Variants in ZNF516 observed in about 807,000 individuals in gnomAD.
ZNF516 encodes zinc finger protein 516.
ZNF516 carries 19 observed loss-of-function variants against 79.7 expected under a neutral mutation model. The observed-to-expected ratio is 0.24, with a 90% CI of 0.17 to 0.35. The LOEUF (loss-of-function observed/expected upper bound fraction) is 0.35, where lower values mean the gene tolerates loss of function less well. Among genes scored for constraint, ZNF516 ranks in the 10% least tolerant of loss-of-function variants. The pLI, the probability that ZNF516 is intolerant of heterozygous loss-of-function variation, is 1.00. For synonymous variants in ZNF516, 877 were observed against 739.5 expected (o/e 1.19, Z -3.02); for missense variants, 1,678 against 1,679.5 (o/e 1.00, Z 0.02).
intron 1 of ZNF516, among the ~76,000 whole-genome samples, chr18:76,473,355 C>G (rs1161291403): frequency 1.1e-5 from 1 of 87,666 alleles, no homozygotes; most frequent in Non-Finnish European, 2.1e-5. Flanking sequence ...TTGCTCTCTG[C>G]AAAAAAAAAA....
chr18:76,472,054 C>T (rs547988118), intron 1 of ZNF516, among the ~76,000 whole-genome samples: 1 of 152,304 alleles, frequency 6.6e-6, no homozygotes, highest in African/African-American at 2.4e-5. Context: ...TCCAGTTTCT[C>T]AGTCACAAAT....
intron 3 of ZNF516, among the ~76,000 whole-genome samples, chr18:76,400,313 T>C (rs968619586): frequency 2.6e-5 from 4 of 152,224 alleles, no homozygotes; most frequent in Non-Finnish European, 5.9e-5. Flanking sequence ...CACAGAGGTT[T>C]ATGTTACAAT....
chr18:76,445,781 G>A (rs533439009), intron 2 of ZNF516, among the ~76,000 whole-genome samples: 65 of 152,338 alleles, frequency 4.3e-4, no homozygotes, highest in African/African-American at 1.4e-3. Flanking sequence ...CCCAGGAGGA[G>A]CCCAGGCCTG....
intron 3 of ZNF516, among the ~76,000 whole-genome samples, chr18:76,413,774 G>T (rs1202325085): frequency 1.3e-5 from 2 of 152,178 alleles, no homozygotes; most frequent in Non-Finnish European, 2.9e-5. Context: ...GTCTTTAAAT[G>T]ATGACGTAAA....
chr18:76,390,368 T>C (rs1306330542), intron 3 of ZNF516, among the ~76,000 whole-genome samples: 1 of 152,174 alleles, frequency 6.6e-6, no homozygotes, highest in African/African-American at 2.4e-5. Flanking sequence ...TCCAGCCCCA[T>C]GGCACACCTG....
At chr18:76,370,645 G>C in intron 5 of ZNF516, 50 bp from the exon 6 acceptor site, 1 of 1,490,266 alleles carries the variant, frequency 6.7e-7, no homozygotes, top group Non-Finnish European at 9.1e-7. Context: ...GCTTCCGGAC[G>C]TGCACATTAA....
At chr18:76,402,095 A>G (rs2075237944) in intron 3 of ZNF516, among the ~76,000 whole-genome samples, 2 of 150,190 alleles carry the variant, frequency 1.3e-5, no homozygotes, top group South Asian at 4.3e-4. Flanking sequence ...CTTCTCTGAA[A>G]AGAAATTGTA....
chr18:76,479,037 C>T (rs1914339930), intron 1 of ZNF516, among the ~76,000 whole-genome samples: 1 of 150,362 alleles, frequency 6.7e-6, no homozygotes, highest in African/African-American at 2.4e-5. Context: ...GCCTGGGTGA[C>T]AAGAGTGAGA....
chr18:76,429,093 C>A (rs2075630680), intron 3 of ZNF516, among the ~76,000 whole-genome samples: 1 of 152,214 alleles, frequency 6.6e-6, no homozygotes, highest in Non-Finnish European at 1.5e-5. Context: ...ATCAGCAGCA[C>A]CTGGTAGGGG....
chr18:76,473,355 C>CAAAAAAA (rs35092154), intron 1 of ZNF516, among the ~76,000 whole-genome samples: 5 of 87,666 alleles, frequency 5.7e-5, no homozygotes, highest in Non-Finnish European at 1.1e-4. Flanking sequence ...TTGCTCTCTG[C>CAAAAAAA]AAAAAAAAAA....
rs2074549929 is a variant in ZNF516 at position 76,362,238 on chromosome 18, A to G, written c.*260T>C. On this transcript the variant is annotated 3_prime_UTR_variant, in exon 7 of 7. Transcript: ENST00000443185. ...AGAAAATATGGGACTATGGACGATG[A>G]GCACGTAAATGCGTATATAGTATCT... is the stretch of plus-strand genomic sequence containing the variant. The G allele has an allele frequency of 9.5e-6, 4 of 421,860 alleles. No homozygotes were observed. In the South Asian group the frequency reaches 2.1e-4, roughly 22 times the overall value. The allele number at this position is 421,860 out of a possible 1,614,324, so 26.1% of individuals were successfully genotyped here.
At chr18:76,371,628 A>C (rs1300722768) in intron 4 of ZNF516, 57 bp from the exon 5 acceptor site, 11 of 1,436,876 alleles carry the variant, frequency 7.7e-6, no homozygotes, top group Non-Finnish European at 1.1e-5. Flanking sequence ...CGTGGAGGTG[A>C]GGAGGCAGGA....
At chr18:76,473,917 G>T (rs1233129737) in intron 1 of ZNF516, among the ~76,000 whole-genome samples, 6 of 107,654 alleles carry the variant, frequency 5.6e-5, no homozygotes, top group Non-Finnish European at 8.1e-5. Context: ...GGGGGGGGGG[G>T]CTTTCTTTTT....
intron 1 of ZNF516, chr18:76,492,961 T>G: frequency 1.0e-6 from 1 of 985,572 alleles, no homozygotes; most frequent in South Asian, 4.7e-5. Flanking sequence ...TGCAGACACA[T>G]GGGCTCATGC....
intron 3 of ZNF516, among the ~76,000 whole-genome samples, chr18:76,440,047 G>A (rs1050704518): frequency 6.6e-6 from 1 of 152,176 alleles, no homozygotes; most frequent in Non-Finnish European, 1.5e-5. Context: ...ACTAAAACGC[G>A]AAGTTAAAAT....
intron 3 of ZNF516, among the ~76,000 whole-genome samples, chr18:76,403,393 A>G (rs1425867328): frequency 6.6e-6 from 1 of 152,214 alleles, no homozygotes; most frequent in Non-Finnish European, 1.5e-5. Flanking sequence ...GTGGTCATGC[A>G]TTCATGGACA....
At chr18:76,452,058 G>A (rs889464502) in intron 2 of ZNF516, among the ~76,000 whole-genome samples, 39 of 152,080 alleles carry the variant, frequency 2.6e-4, no homozygotes, top group African/African-American at 9.2e-4. Context: ...TCCACTCTAA[G>A]AAGAAGAAAT....
intron 4 of ZNF516, among the ~76,000 whole-genome samples, chr18:76,373,692 G>T (rs1568234378): frequency 6.6e-6 from 1 of 152,240 alleles, no homozygotes; most frequent in African/African-American, 2.4e-5. Context: ...TTATTTCCTT[G>T]AAGTAAGGGT....
At chr18:76,382,734 A>T (rs2074913815) in intron 3 of ZNF516, among the ~76,000 whole-genome samples, 1 of 152,160 alleles carries the variant, frequency 6.6e-6, no homozygotes, top group African/African-American at 2.4e-5. Flanking sequence ...AACATGGCAA[A>T]ATGCTGTCTC....
Sources: allele counts gnomAD v4.1 joint callset (sites outside exome capture counted in the v4.1 genomes callset), GRCh38; gene constraint gnomAD v4.1.1; transcripts MANE v1.5; gene names NCBI Gene and HGNC (gene_info 2026-07-23, HGNC 2026-07-21).